The following MYEF2 variants were observed in gnomAD, a reference collection of about 807,000 sequenced individuals.
The protein encoded by MYEF2 is myelin expression factor 2.
Under a neutral mutation model 75.2 loss-of-function variants are expected in MYEF2, and 37 were observed. That is an observed-to-expected ratio of 0.49 (90% CI 0.38 to 0.65). The LOEUF (loss-of-function observed/expected upper bound fraction) is 0.65, where lower values mean the gene tolerates loss of function less well. Ranked by LOEUF, MYEF2 falls within the 30% of genes least tolerant of loss-of-function variation. MYEF2 has a pLI of 0.00. For missense variants in MYEF2, 634 were observed against 771.4 expected, an observed-to-expected ratio of 0.82 and a Z score of 2.11; for synonymous variants, 195 against 241.6, an observed-to-expected ratio of 0.81 and a Z score of 1.79.
At chr15:48,159,240 C>T (rs1487727647) in intron 6 of MYEF2, among the ~76,000 whole-genome samples, 1 of 152,002 alleles carries the variant, frequency 6.6e-6, no homozygotes, top group Non-Finnish European at 1.5e-5. Context: ...TTTTCACTGA[C>T]TTTCAGATGC....
chr15:48,142,010 G>A lies in MYEF2; in HGVS notation c.*898C>T, dbSNP rs753970927. ...CAGTATTGGTAAGCACATTTTAACA[G>A]TATGCTTTTCTTTTGTAGGGAAAGG... On this transcript the variant is annotated 3_prime_UTR_variant, in exon 17 of 17. Coordinates refer to ENST00000324324, the MANE Select transcript of MYEF2 (RefSeq NM_016132.5). The A allele has an allele frequency of 7.0e-6, 11 of 1,561,858 alleles. No homozygotes were observed. The highest frequency in any genetic ancestry group is 9.6e-6 in the Non-Finnish European group (11 of 1,142,636).
chr15:48,151,170 G>A lies in MYEF2; in HGVS notation c.1308C>T (p.Gly436=). 1 of 1,606,510 alleles carries A rather than the reference G, an allele frequency of 6.2e-7. No individual in the cohort carries two copies. Among genetic ancestry groups the A allele is most frequent in the Non-Finnish European group, 8.5e-7 (1 of 1,175,344 alleles). The part of the protein sequence containing the change: ...RGFGDSFGRL[G]SAMIGGFAGR... ...CTGCAAACCCTCCAATCATTGCACT[G>A]CCTAAACAAGGATGGAAAGATAATA... The change falls in exon 14 of 17, where the codon GGC becomes GGT. Residue 436 remains glycine (G), a splice_region_variant and synonymous_variant. Transcript: ENST00000324324.
At position 48,138,833 on chromosome 15, in the gene MYEF2, G is replaced by A. The variant is rs1323796006; in HGVS notation, c.*4075C>T. The stretch of plus-strand genomic sequence containing the variant: ...TCTTTTCACCAGCAATATCAGTAAT[G>A]AGGTACTCAAATGTTTTAAACAGCC... On this transcript the variant is annotated 3_prime_UTR_variant, in exon 17 of 17. Coordinates refer to ENST00000324324, the MANE Select transcript of MYEF2 (RefSeq NM_016132.5). 2 of 638,874 alleles carry A rather than the reference G, an allele frequency of 3.1e-6. No individual in the cohort carries two copies. Among genetic ancestry groups the A allele is most frequent in the African/African-American group, 1.8e-5 (1 of 54,392 alleles). 39.6% of individuals were successfully genotyped at this position (638,874 alleles called of 1,614,324 possible).
chr15:48,172,366 CA>C (rs1160179571), intron 1 of MYEF2, among the ~76,000 whole-genome samples: 5 of 139,138 alleles, frequency 3.6e-5, no homozygotes, highest in African/African-American at 1.4e-4. Context: ...CACCATTGCA[CA>C]TTTTTTTTTT....
intron 2 of MYEF2, 149 bp downstream of exon 2, chr15:48,168,481 GA>G (rs1175985222): frequency 1.6e-6 from 1 of 638,780 alleles, no homozygotes; most frequent in African/African-American, 1.8e-5. Context: ...TGTGTCAAGA[GA>G]AAGAAGAGGA....
intron 16 of MYEF2, among the ~76,000 whole-genome samples, chr15:48,144,589 C>T (rs1229416352): frequency 4.0e-5 from 6 of 151,840 alleles, no homozygotes; most frequent in Admixed American, 3.9e-4. Context: ...TAGCCCACAA[C>T]TGGAATGAAA....
At position 48,139,260 on chromosome 15, in the gene MYEF2, C is replaced by A; in HGVS notation, c.*3648G>T. ...ATGTTCACTCAAAGTAGTCTAGCTA[C>A]ACAGCAAATTTCTTTTCAGCAAGAT... On this transcript the variant is annotated 3_prime_UTR_variant, in exon 17 of 17. Coordinates refer to ENST00000324324, the MANE Select transcript of MYEF2 (RefSeq NM_016132.5). 1 of 1,132,768 alleles carries A rather than the reference C, an allele frequency of 8.8e-7. No individual in the cohort carries two copies. The highest frequency in any genetic ancestry group is 1.3e-6 in the Non-Finnish European group (1 of 781,368). The allele number at this position is 1,132,768 out of a possible 1,614,324, so 70.2% of individuals were successfully genotyped here. A position where few individuals can be genotyped will look rare whatever the true frequency, so the allele number is the denominator to read the frequency against.
At chr15:48,163,434 G>C (rs1364015656) in intron 5 of MYEF2, among the ~76,000 whole-genome samples, 4 of 152,182 alleles carry the variant, frequency 2.6e-5, no homozygotes, top group Non-Finnish European at 5.9e-5. Context: ...TTTGAAGCTG[G>C]TTCATGAGAT....
intron 1 of MYEF2, 143 bp downstream of exon 1, chr15:48,177,934 C>T: frequency 1.7e-6 from 2 of 1,153,060 alleles, no homozygotes; most frequent in Non-Finnish European, 2.4e-6. Flanking sequence ...CCAGCTGCAC[C>T]TGCTCCTCAG....
Position 48,134,993 on chromosome 15 carries a change from G to A in MYEF2, c.*7915C>T. On this transcript the variant is annotated 3_prime_UTR_variant, in exon 17 of 17. Coordinates refer to ENST00000324324, the MANE Select transcript of MYEF2 (RefSeq NM_016132.5). ...GACAACCAAGTTTACTGGTAAGCTT[G>A]AAAATAATTCTTATGTAAAAATTAG... 1 of 1,575,224 alleles carries A rather than the reference G, an allele frequency of 6.3e-7. No homozygotes were observed. The highest frequency in any genetic ancestry group is 8.7e-7 in the Non-Finnish European group (1 of 1,152,796).
At chr15:48,174,601 T>C (rs540723515) in intron 1 of MYEF2, among the ~76,000 whole-genome samples, 11 of 151,938 alleles carry the variant, frequency 7.2e-5, no homozygotes, top group East Asian at 1.9e-4. Context: ...TACAACTCAA[T>C]AGCAACCCAA....
chr15:48,168,658 C>T lies in MYEF2; in HGVS notation c.343G>A (p.Ala115Thr), dbSNP rs1351611935. 7 of 1,613,704 alleles carry T rather than the reference C, an allele frequency of 4.3e-6. No individual in the cohort carries two copies. The highest frequency in any genetic ancestry group is 5.9e-6 in the Non-Finnish European group (7 of 1,179,754). ...TTCTCTCTCATTAGATCTTTAATAG[C>T]TTGCCATTTCATGTCATATGGGATG... is the stretch of plus-strand genomic sequence containing the variant. ...SNIPYDMKWQ[A>T]IKDLMREKVG... The change falls in exon 2 of 17, where the codon GCT becomes ACT. Residue 115 changes from alanine to threonine, a missense_variant. By Grantham distance (58) the Ala-to-Thr change is moderately conservative. Transcript: ENST00000324324.
At position 48,135,060 on chromosome 15, in the gene MYEF2, A is replaced by C; in HGVS notation, c.*7848T>G. ...TGATGGTTCAGTAATTTTTTTTCAGAAATGTTATTTCAGTCACTTAATCTG... is the reference window on the plus strand; with the variant it reads ...TGATGGTTCAGTAATTTTTTTTCAGCAATGTTATTTCAGTCACTTAATCTG... On this transcript the variant is annotated 3_prime_UTR_variant, in exon 17 of 17. Coordinates refer to ENST00000324324, the MANE Select transcript of MYEF2 (RefSeq NM_016132.5). 8.4e-7 allele frequency: 1 copy of C among 1,187,320 alleles called. No homozygotes were observed. The highest frequency in any genetic ancestry group is 1.3e-5 in the South Asian group (1 of 75,696). The allele number at this position is 1,187,320 out of a possible 1,614,324, so 73.5% of individuals were successfully genotyped here.
Position 48,136,821 on chromosome 15 carries a change from A to G in MYEF2, c.*6087T>C. On this transcript the variant is annotated 3_prime_UTR_variant, in exon 17 of 17. Transcript: ENST00000324324. ...TTGCCAAAGCTATGGAGAGAAGTGA[A>G]CAACAGCCACTGATGGGCTGGGAAG... The G allele has an allele frequency of 1.2e-6, 2 of 1,613,816 alleles. No individual in the cohort carries two copies. The highest frequency in any genetic ancestry group is 1.7e-6 in the Non-Finnish European group (2 of 1,179,826).
At chr15:48,163,096 T>TA (rs770995423) in intron 5 of MYEF2, among the ~76,000 whole-genome samples, 5 of 152,128 alleles carry the variant, frequency 3.3e-5, no homozygotes, top group Non-Finnish European at 7.4e-5. Flanking sequence ...GAAGGAAACT[T>TA]AAAGTGCTAC....
chr15:48,178,060 G>A lies in MYEF2; in HGVS notation c.161+17C>T, dbSNP rs753885162. 5.7e-6 allele frequency: 9 copies of A among 1,589,230 alleles called. No homozygotes were observed. The highest frequency in any genetic ancestry group is 1.7e-4 in the Middle Eastern group (1 of 5,868). ...CGCCCCCCACCTCGCCCCGGTTCCCGGAGGAAAAGACAATACATTTTAACG... is the reference window on the plus strand; with the variant it reads ...CGCCCCCCACCTCGCCCCGGTTCCCAGAGGAAAAGACAATACATTTTAACG... On this transcript the variant is annotated intron_variant, in intron 1 of 16. Coordinates refer to ENST00000324324, the MANE Select transcript of MYEF2 (RefSeq NM_016132.5).
Position 48,136,926 on chromosome 15 carries a change from C to T in MYEF2, c.*5982G>A. The T allele has an allele frequency of 1.2e-6, 2 of 1,613,566 alleles. No homozygotes were observed. The highest frequency in any genetic ancestry group is 2.2e-5 in the South Asian group (2 of 91,042). ...ATGAAGATTCTGGCTACTCTCAGCT[C>T]TCTATAAGTTTACATGGCCTTAGTC... On this transcript the variant is annotated 3_prime_UTR_variant, in exon 17 of 17. Coordinates refer to ENST00000324324, the MANE Select transcript of MYEF2 (RefSeq NM_016132.5).
In MYEF2 at chr15:48,142,504, T is replaced by C; in HGVS notation, c.*404A>G. On this transcript the variant is annotated 3_prime_UTR_variant, in exon 17 of 17. Coordinates refer to ENST00000324324, the MANE Select transcript of MYEF2 (RefSeq NM_016132.5). ...ACCAACCAAAATCACATCCTAATTT[T>C]TCTGAGCCCTTTCTTTTCATGAAAA... 1.7e-6 allele frequency: 1 copy of C among 572,310 alleles called. No homozygotes were observed. The highest frequency in any genetic ancestry group is 2.8e-6 in the Non-Finnish European group (1 of 353,676). The allele number at this position is 572,310 out of a possible 1,614,324, so 35.5% of individuals were successfully genotyped here.
chr15:48,153,078 G>C (rs2140851414), intron 10 of MYEF2: 1 of 149,172 alleles, frequency 6.7e-6, no homozygotes, highest in South Asian at 2.1e-4. Flanking sequence ...TGCAGAAACA[G>C]ATATAACAGC....
Sources: allele counts gnomAD v4.1 joint callset (sites outside exome capture counted in the v4.1 genomes callset), GRCh38; gene constraint gnomAD v4.1.1; transcripts MANE v1.5; gene names NCBI Gene and HGNC (gene_info 2026-07-23, HGNC 2026-07-21).